The following ITPR2 variants were observed in gnomAD, a reference collection of about 807,000 sequenced individuals.
ITPR2 encodes the protein inositol 1,4,5-trisphosphate-gated calcium channel ITPR2.
Under a neutral mutation model 317.1 loss-of-function variants are expected in ITPR2, and 207 were observed. The ratio of observed to expected loss-of-function variants is 0.65; its 90% CI spans 0.58 to 0.73. The LOEUF (loss-of-function observed/expected upper bound fraction) is 0.73, where lower values mean the gene tolerates loss of function less well. ITPR2 is among the 30% of genes least tolerant of loss of function. ITPR2 has a pLI of 0.00. For synonymous variants in ITPR2, 1,156 were observed against 1,149.1 expected (o/e 1.01, Z -0.12); for missense variants, 2,613 against 3,284.0 (o/e 0.80, Z 4.99).
At chr12:26,817,012 T>C (rs559425839) in intron 1 of ITPR2, among the ~76,000 whole-genome samples, 20 of 151,594 alleles carry the variant, frequency 1.3e-4, no homozygotes, top group African/African-American at 4.8e-4. Context: ...ACCCCATCTC[T>C]ACTAAAAAAT....
intron 35 of ITPR2, 55 bp from the exon 36 acceptor site, chr12:26,556,430 T>C: frequency 1.3e-6 from 2 of 1,549,104 alleles, no homozygotes; most frequent in Non-Finnish European, 1.7e-6. Context: ...GATTTCATCT[T>C]TCGAAGATAA....
chr12:26,649,800 GA>G (rs1565665032), intron 21 of ITPR2, among the ~76,000 whole-genome samples: 13 of 150,890 alleles, frequency 8.6e-5, no homozygotes, highest in African/African-American at 2.9e-4. Flanking sequence ...TAGATAGATA[GA>G]TAGATAGATA....
intron 45 of ITPR2, among the ~76,000 whole-genome samples, chr12:26,448,562 A>T (rs1423432432): frequency 6.6e-6 from 1 of 152,208 alleles, no homozygotes; most frequent in Non-Finnish European, 1.5e-5. Flanking sequence ...GAGATAATTT[A>T]TTACATATCA....
At chr12:26,443,700 A>G in intron 45 of ITPR2, 50 bp from the exon 46 acceptor site, 1 of 1,442,790 alleles carries the variant, frequency 6.9e-7, no homozygotes, top group African/African-American at 1.4e-5. Flanking sequence ...CCCCTTTCCT[A>G]GGGTCAAACT....
intron 8 of ITPR2, among the ~76,000 whole-genome samples, chr12:26,711,523 T>C (rs1948641903): frequency 6.6e-6 from 1 of 152,222 alleles, no homozygotes; most frequent in Non-Finnish European, 1.5e-5. Flanking sequence ...CAGAAAGACA[T>C]GTTTCCAAGA....
At chr12:26,406,530 C>T (rs1407388879) in intron 52 of ITPR2, 5 of 150,684 alleles carry the variant, frequency 3.3e-5, no homozygotes, top group Non-Finnish European at 7.4e-5. Context: ...CCACAGGAGC[C>T]CTCTGAGGGA....
At chr12:26,766,211 C>G (rs1949717264) in intron 2 of ITPR2, among the ~76,000 whole-genome samples, 1 of 152,044 alleles carries the variant, frequency 6.6e-6, no homozygotes, top group South Asian at 2.1e-4. Context: ...GATTGTTTTT[C>G]AAGGTCCTAC....
chr12:26,602,569 T>C, intron 27 of ITPR2, 48 bp downstream of exon 27: 1 of 1,570,340 alleles, frequency 6.4e-7, no homozygotes, highest in Non-Finnish European at 8.7e-7. Flanking sequence ...CAAAACTTAT[T>C]TGGCATGCAA....
intron 55 of ITPR2, among the ~76,000 whole-genome samples, chr12:26,370,709 C>T (rs1031237795): frequency 1.3e-5 from 2 of 152,150 alleles, no homozygotes; most frequent in Non-Finnish European, 2.9e-5. Flanking sequence ...GAGTCTTGCT[C>T]TGTTGCCCAG....
chr12:26,560,285 A>G (rs1448879375), intron 35 of ITPR2, among the ~76,000 whole-genome samples: 1 of 151,692 alleles, frequency 6.6e-6, no homozygotes, highest in East Asian at 1.9e-4. Context: ...TTAGCCTCTC[A>G]TAGGGCGTTC....
intron 37 of ITPR2, among the ~76,000 whole-genome samples, chr12:26,536,169 A>G (rs1944084721): frequency 6.6e-6 from 1 of 152,192 alleles, no homozygotes; most frequent in Non-Finnish European, 1.5e-5. Flanking sequence ...TGGCATATAC[A>G]TTTAGGTGGA....
chr12:26,377,586 C>T (rs1939382024), intron 55 of ITPR2, among the ~76,000 whole-genome samples: 1 of 152,172 alleles, frequency 6.6e-6, no homozygotes, highest in African/African-American at 2.4e-5. Flanking sequence ...TTTTCCCTAC[C>T]TGTTCTCCAA....
chr12:26,710,311 ATAAGT>A (rs1948624001), intron 9 of ITPR2, among the ~76,000 whole-genome samples: 1 of 152,250 alleles, frequency 6.6e-6, no homozygotes, highest in South Asian at 2.1e-4. Flanking sequence ...TTTAATTCTA[ATAAGT>A]TAAGAGAATT....
chr12:26,374,721 T>C (rs1416012886), intron 55 of ITPR2, among the ~76,000 whole-genome samples: 1 of 152,176 alleles, frequency 6.6e-6, no homozygotes. Context: ...GGAAACAGAC[T>C]CAGAGAGCTG....
chr12:26,435,776 GT>G (rs1347125849), intron 48 of ITPR2, among the ~76,000 whole-genome samples: 1 of 151,752 alleles, frequency 6.6e-6, no homozygotes, highest in African/African-American at 2.4e-5. Flanking sequence ...CCTGACTTTA[GT>G]ATAGAATTAA....
At chr12:26,551,117 T>C (rs182667240) in intron 36 of ITPR2, among the ~76,000 whole-genome samples, 431 of 152,286 alleles carry the variant, frequency 2.8e-3, no homozygotes, top group Non-Finnish European at 5.0e-3. Context: ...ATAGCTCATG[T>C]TGTTAAAAAG....
At chr12:26,362,310 A>T (rs1349807992) in intron 55 of ITPR2, among the ~76,000 whole-genome samples, 6 of 152,190 alleles carry the variant, frequency 3.9e-5, no homozygotes, top group Non-Finnish European at 7.3e-5. Context: ...ACTAGCAAGG[A>T]TGTTTCTTAC....
intron 55 of ITPR2, among the ~76,000 whole-genome samples, chr12:26,351,823 T>C (rs1043333572): frequency 6.6e-6 from 1 of 152,226 alleles, no homozygotes; most frequent in Non-Finnish European, 1.5e-5. Context: ...TCTTATTACT[T>C]ATTAATTTCC....
In ITPR2 at chr12:26,477,018, A is replaced by G; in HGVS notation, c.6124-11T>C. On this transcript the variant is annotated splice_polypyrimidine_tract_variant and intron_variant, in intron 43 of 56. Coordinates refer to ENST00000381340, the MANE Select transcript of ITPR2 (RefSeq NM_002223.4). ...TTTAGATGCATTGTTCTAGAGACAC[A>G]GATTGAGTTAATGTGCATGCAAAGT... 6.4e-7 allele frequency: 1 copy of G among 1,559,534 alleles called. No homozygotes were observed. Among genetic ancestry groups the G allele is most frequent in the Non-Finnish European group, 8.8e-7 (1 of 1,132,610 alleles).
Sources: gnomAD v4.1 joint callset for allele counts (sites outside exome capture counted in the v4.1 genomes callset) on GRCh38, gnomAD v4.1.1 for gene constraint, MANE v1.5 for transcripts, NCBI Gene and HGNC (gene_info 2026-07-23, HGNC 2026-07-21) for gene names.